CFAP54: variants seen among roughly 807,000 people sequenced by gnomAD.
CFAP54 encodes cilia- and flagella-associated protein 54.
Under a neutral mutation model 370.4 loss-of-function variants are expected in CFAP54, and 290 were observed. The observed-to-expected ratio is 0.78, with a 90% confidence interval of 0.71 to 0.86. The LOEUF (loss-of-function observed/expected upper bound fraction) is 0.86, where lower values mean the gene tolerates loss of function less well. CFAP54 is among the 40% of genes least tolerant of loss of function. The pLI is 0.00. For missense variants in CFAP54, 3,399 were observed against 3,528.7 expected, an observed-to-expected ratio of 0.96 and a Z score of 0.93; for synonymous variants, 1,206 against 1,236.5, an observed-to-expected ratio of 0.98 and a Z score of 0.52.
chr12:96,860,346 A>C (rs141520232), intron 66 of CFAP54, among the ~76,000 whole-genome samples: 1 of 151,676 alleles, frequency 6.6e-6, no homozygotes, highest in Non-Finnish European at 1.5e-5. Context: ...TTTATTTTCC[A>C]TTTTTCAGCC....
At chr12:96,723,597 A>G (rs1159568301) in intron 50 of CFAP54, among the ~76,000 whole-genome samples, 3 of 152,168 alleles carry the variant, frequency 2.0e-5, no homozygotes, top group East Asian at 3.9e-4. Flanking sequence ...GGGAAAGATT[A>G]TGTTTAGAGT....
intron 64 of CFAP54, among the ~76,000 whole-genome samples, chr12:96,817,432 T>C (rs1157552011): frequency 1.6e-5 from 1 of 63,578 alleles, no homozygotes; most frequent in Admixed American, 1.4e-4. Context: ...CTTTCTTTCT[T>C]TTTTTTTTTT....
chr12:96,864,824 A>G (rs1175680786), intron 67 of CFAP54, among the ~76,000 whole-genome samples: 2 of 152,186 alleles, frequency 1.3e-5, no homozygotes, highest in African/African-American at 4.8e-5. Flanking sequence ...GGTTACATTC[A>G]GTTTGAGACT....
chr12:96,818,251 T>C (rs917473664), intron 65 of CFAP54, among the ~76,000 whole-genome samples: 2 of 152,268 alleles, frequency 1.3e-5, no homozygotes, highest in Non-Finnish European at 2.9e-5. Flanking sequence ...TAAACACTTT[T>C]ATTTCCCAAA....
At chr12:96,769,667 C>T (rs980409952) in intron 60 of CFAP54, among the ~76,000 whole-genome samples, 2 of 152,160 alleles carry the variant, frequency 1.3e-5, no homozygotes, top group Admixed American at 6.5e-5. Flanking sequence ...GCAATTATAC[C>T]TTTTATAGAC....
chr12:96,581,050 C>T lies in CFAP54; in HGVS notation c.3020C>T (p.Pro1007Leu). 1.3e-6 allele frequency: 2 copies of T among 1,530,204 alleles called. No individual in the cohort carries two copies. Among genetic ancestry groups the T allele is most frequent in the Non-Finnish European group, 1.7e-6 (2 of 1,143,752 alleles). The allele number at this position is 1,530,204 out of a possible 1,614,324, so 94.8% of individuals were successfully genotyped here. A position where few individuals can be genotyped will look rare whatever the true frequency, so the allele number is the denominator to read the frequency against. The change falls in exon 22 of 68, where the codon CCA becomes CTA. Residue 1007 changes from proline to leucine, a missense_variant. By Grantham distance (98) the Pro-to-Leu change is moderately conservative. Around this residue, in one of 3 missense-constraint regions of CFAP54, gnomAD observed 2,796 missense variants for 2,869.7 expected, o/e 0.97. Coordinates refer to ENST00000524981, the MANE Select transcript of CFAP54 (RefSeq NM_001306084.2). ...GGTGCTATTGGGGAGACAACTAAAC[C>T]AATTCTGGTTTATCCCCCTCTTTCT... Reference protein sequence around the residue: ...VGGAIGETTKPILVYPPLSTI... With the variant: ...VGGAIGETTKLILVYPPLSTI...
At chr12:96,743,335 GC>G (rs1326803384) in intron 52 of CFAP54, 66 bp from the exon 53 acceptor site, 6 of 1,496,254 alleles carry the variant, frequency 4.0e-6, no homozygotes, top group Admixed American at 1.8e-5. Flanking sequence ...GAAAATTGGG[GC>G]TATTACACAT....
At chr12:96,764,994 C>T (rs1592749114) in intron 59 of CFAP54, 83 bp from the exon 60 acceptor site, 3 of 1,102,914 alleles carry the variant, frequency 2.7e-6, no homozygotes, top group Non-Finnish European at 3.6e-6. Context: ...TATGAATTCA[C>T]TTTTTTCACA....
intron 9 of CFAP54, among the ~76,000 whole-genome samples, chr12:96,528,398 TTTTC>T (rs1955406070): frequency 6.6e-6 from 1 of 152,180 alleles, no homozygotes; most frequent in South Asian, 2.1e-4. Context: ...AGGGAGAGAC[TTTTC>T]TTTCTTGTAA....
chr12:96,674,336 CTT>C (rs5800259), intron 39 of CFAP54, among the ~76,000 whole-genome samples: 4 of 125,002 alleles, frequency 3.2e-5, no homozygotes, highest in Admixed American at 8.6e-5. Flanking sequence ...CAATGTTTTT[CTT>C]TTTTTTTTTT....
intron 9 of CFAP54, among the ~76,000 whole-genome samples, chr12:96,529,554 G>A (rs1279805849): frequency 6.6e-6 from 1 of 152,082 alleles, no homozygotes; most frequent in Admixed American, 6.6e-5. Flanking sequence ...CCATTTTGGT[G>A]TGAATTCAGT....
intron 25 of CFAP54, among the ~76,000 whole-genome samples, chr12:96,598,095 C>A (rs1956197460): frequency 1.1e-5 from 1 of 88,854 alleles, no homozygotes; most frequent in African/African-American, 4.4e-5. Context: ...TCTCACACTA[C>A]CTTTGAAAAG....
intron 17 of CFAP54, among the ~76,000 whole-genome samples, chr12:96,556,325 A>T (rs1955750950): frequency 6.6e-6 from 1 of 151,988 alleles, no homozygotes; most frequent in African/African-American, 2.4e-5. Flanking sequence ...AGGAAAGCAA[A>T]AAAAAAATAA....
chr12:96,510,530 C>G (rs1305580909), intron 4 of CFAP54, among the ~76,000 whole-genome samples: 1 of 152,190 alleles, frequency 6.6e-6, no homozygotes, highest in Non-Finnish European at 1.5e-5. Flanking sequence ...TTCCCCAGTT[C>G]CCCGTTACTG....
Position 96,703,681 on chromosome 12 carries a change from C to A in CFAP54, c.6475-1062C>A, listed in dbSNP as rs574451282. Among the ~76,000 whole-genome samples, 346 of 151,498 alleles carry A rather than the reference C, an allele frequency of 2.3e-3. 1 individual carries two copies. Among genetic ancestry groups the A allele is most frequent in the African/African-American group, 7.5e-3 (311 of 41,290 alleles). ...TAATACACCAAAAAGGAAAAAAAAA[C>A]CAAAAATATTTATTCTGATAGCAAT... On this transcript the variant is annotated intron_variant, in intron 46 of 67. Coordinates refer to ENST00000524981, the MANE Select transcript of CFAP54 (RefSeq NM_001306084.2).
At chr12:96,704,277 T>A (rs543995576) in intron 46 of CFAP54, among the ~76,000 whole-genome samples, 5 of 150,948 alleles carry the variant, frequency 3.3e-5, no homozygotes, top group South Asian at 2.1e-4. Flanking sequence ...AATACAAAAA[T>A]TTAGCTGGAC....
In CFAP54 at chr12:96,792,010, C is replaced by T. The variant is rs147040263; in HGVS notation, c.8680-319C>T. ...GATTACAGGCGCACGCCACCATGCC[C>T]GGCTAATTTTTGTATTTCTTTAGTA... On this transcript the variant is annotated intron_variant, in intron 62 of 67. Transcript: ENST00000524981. Among the ~76,000 whole-genome samples, 811 of 152,160 alleles carry T rather than the reference C, an allele frequency of 5.3e-3. 6 individuals carry two copies. Among genetic ancestry groups the T allele is most frequent in the Non-Finnish European group, 6.3e-3 (430 of 68,006 alleles).
At chr12:96,695,324 C>T (rs1269561969) in intron 45 of CFAP54, among the ~76,000 whole-genome samples, 3 of 152,230 alleles carry the variant, frequency 2.0e-5, no homozygotes, top group African/African-American at 4.8e-5. Flanking sequence ...ATTTGAATTT[C>T]GCTTCGTGTC....
At chr12:96,745,197 A>G (rs997035324) in intron 55 of CFAP54, among the ~76,000 whole-genome samples, 3 of 152,162 alleles carry the variant, frequency 2.0e-5, no homozygotes, top group Non-Finnish European at 2.9e-5. Context: ...TCCTTTGGGT[A>G]TTACCTAGTA....
Sources: allele counts gnomAD v4.1 joint callset (sites outside exome capture counted in the v4.1 genomes callset), GRCh38; gene constraint gnomAD v4.1.1; regional missense constraint gnomAD v4.1.1; transcripts MANE v1.5; gene names NCBI Gene and HGNC (gene_info 2026-07-23, HGNC 2026-07-21).